The following PDS5A variants were observed in gnomAD, a reference collection of about 807,000 sequenced individuals.
The protein encoded by PDS5A is PDS5 cohesin associated factor A, also known as sister chromatid cohesion protein PDS5 homolog A.
Under a neutral mutation model 167.1 loss-of-function variants are expected in PDS5A, and 42 were observed. The observed-to-expected ratio is 0.25, with a 90% CI of 0.20 to 0.33. PDS5A has a LOEUF of 0.33. Among genes scored for constraint, PDS5A ranks in the 10% least tolerant of loss-of-function variants. The probability of loss-of-function intolerance (pLI) is 1.00; values close to 1 mark genes in which losing one functional copy is unlikely to be tolerated. For synonymous variants in PDS5A, 553 were observed against 554.6 expected (o/e 1.00, Z 0.04); for missense variants, 1,033 against 1,605.9 (o/e 0.64, Z 6.10).
At chr4:39,856,302 T>C (rs940401900) in intron 26 of PDS5A, among the ~76,000 whole-genome samples, 2 of 152,114 alleles carry the variant, frequency 1.3e-5, no homozygotes, top group African/African-American at 4.8e-5. Context: ...ATCAAAACAT[T>C]TTCCAAATAA....
At chr4:39,931,070 G>A (rs1043780739) in intron 2 of PDS5A, among the ~76,000 whole-genome samples, 9 of 152,154 alleles carry the variant, frequency 5.9e-5, no homozygotes, top group Admixed American at 5.9e-4. Context: ...CACTTTGGGA[G>A]GCCAAGTCAG....
chr4:39,945,330 A>G (rs1727646332), intron 2 of PDS5A, among the ~76,000 whole-genome samples: 1 of 151,756 alleles, frequency 6.6e-6, no homozygotes, highest in Non-Finnish European at 1.5e-5. Context: ...GCGTGGTGGC[A>G]GGCGCCTATA....
At chr4:39,837,787 C>T in intron 32 of PDS5A, 69 bp downstream of exon 32, 2 of 1,154,238 alleles carry the variant, frequency 1.7e-6, no homozygotes, top group Non-Finnish European at 2.4e-6. Context: ...GGGTGACTGG[C>T]ACTAAGAATA....
intron 2 of PDS5A, among the ~76,000 whole-genome samples, chr4:39,931,576 C>T (rs1578768300): frequency 6.6e-6 from 1 of 152,124 alleles, no homozygotes; most frequent in African/African-American, 2.4e-5. Flanking sequence ...GCTTCAGTTC[C>T]ACACTACATG....
chr4:39,854,617 G>A (rs1718385304), intron 26 of PDS5A, among the ~76,000 whole-genome samples: 1 of 151,998 alleles, frequency 6.6e-6, no homozygotes, highest in African/African-American at 2.4e-5. Flanking sequence ...TGAGTTATGT[G>A]CCTATTCTAG....
chr4:39,943,336 TG>T (rs1337405162), intron 2 of PDS5A, among the ~76,000 whole-genome samples: 2 of 152,236 alleles, frequency 1.3e-5, no homozygotes, highest in Admixed American at 1.3e-4. Flanking sequence ...ATAGACTACT[TG>T]ATATATAATT....
intron 23 of PDS5A, among the ~76,000 whole-genome samples, chr4:39,866,238 C>T (rs183099600): frequency 4.3e-3 from 655 of 152,316 alleles, no homozygotes; most frequent in Non-Finnish European, 7.2e-3. Context: ...CCTCAGCCTC[C>T]TGAGTAGCTG....
In PDS5A at chr4:39,934,435, G is replaced by C. The variant is rs1163520561; in HGVS notation, c.139-6271C>G. Among the ~76,000 whole-genome samples, 3 of 152,026 alleles carry C rather than the reference G, an allele frequency of 2.0e-5. No homozygotes were observed. In the South Asian group the frequency reaches 6.2e-4, roughly 32 times the overall value. On this transcript the variant is annotated intron_variant, in intron 2 of 32. Transcript: ENST00000303538. ...ATGTCAGAATCCCCTGTGCCATTCA[G>C]GCCTTTTTAAATGCTATTGGCTCTT...
chr4:39,849,400 T>C, intron 27 of PDS5A, 120 bp downstream of exon 27: 1 of 685,154 alleles, frequency 1.5e-6, no homozygotes, highest in South Asian at 2.1e-5. Context: ...CACATTTACT[T>C]TTGTAAACAT....
chr4:39,974,372 G>A (rs1730870054), intron 2 of PDS5A: 1 of 416,684 alleles, frequency 2.4e-6, no homozygotes, highest in Admixed American at 3.1e-5. Context: ...TCCAACATTA[G>A]AATTCAAGGT....
chr4:39,868,559 C>T, intron 22 of PDS5A: 1 of 430,752 alleles, frequency 2.3e-6, no homozygotes, highest in Non-Finnish European at 4.6e-6. Context: ...GAACTCCTGA[C>T]CCCAAGTGAT....
chr4:39,863,759 T>C (rs567112932), intron 23 of PDS5A, among the ~76,000 whole-genome samples: 2 of 152,278 alleles, frequency 1.3e-5, no homozygotes, highest in South Asian at 2.1e-4. Flanking sequence ...ACCATAGTAA[T>C]TGCAAGGCTA....
At chr4:39,829,586 G>A (rs979793023) in intron 32 of PDS5A, among the ~76,000 whole-genome samples, 8 of 151,386 alleles carry the variant, frequency 5.3e-5, no homozygotes, top group Admixed American at 2.0e-4. Flanking sequence ...GGTGGAGGTC[G>A]CAGTGAGCCA....
At chr4:39,906,566 A>G (rs1268612267) in intron 11 of PDS5A, among the ~76,000 whole-genome samples, 1 of 151,878 alleles carries the variant, frequency 6.6e-6, no homozygotes, top group Non-Finnish European at 1.5e-5. Flanking sequence ...GAGGATCATC[A>G]TAAGATGTAA....
At chr4:39,898,284 A>C in intron 16 of PDS5A, 105 bp downstream of exon 16, 1 of 1,373,506 alleles carries the variant, frequency 7.3e-7, no homozygotes, top group Non-Finnish European at 9.5e-7. Flanking sequence ...AGAGCTCACA[A>C]TATTGTTACA....
chr4:39,948,740 T>A (rs1303179731), intron 2 of PDS5A, among the ~76,000 whole-genome samples: 1 of 151,338 alleles, frequency 6.6e-6, no homozygotes, highest in African/African-American at 2.4e-5. Flanking sequence ...TTTTCCTGCC[T>A]CAGCCTCCTG....
chr4:39,932,009 A>G (rs1182768801), intron 2 of PDS5A, among the ~76,000 whole-genome samples: 1 of 151,630 alleles, frequency 6.6e-6, no homozygotes, highest in Non-Finnish European at 1.5e-5. Flanking sequence ...CTTCTGCCTC[A>G]GCCTCCCAAG....
rs1323869322 is a variant in PDS5A, at chr4:39,877,091, C to T, written c.2055G>A (p.Gln685=). The change falls in exon 19 of 33, where the codon CAG becomes CAA. Residue 685 remains glutamine (Q), a synonymous_variant. Coordinates refer to ENST00000303538, the MANE Select transcript of PDS5A (RefSeq NM_001100399.2). ...CCTTGTCATCCTCCATTCTTAGGCA[C>T]TGTAACAAGGACTCATATGTCTCTG... ...HSAETYESLL[Q]CLRMEDDKVA... 4 of 1,608,118 alleles carry T rather than the reference C, an allele frequency of 2.5e-6. No homozygotes were observed. Among genetic ancestry groups the T allele is most frequent in the Non-Finnish European group, 2.6e-6 (3 of 1,174,944 alleles).
In PDS5A at chr4:39,910,268, G is replaced by C; in HGVS notation, c.1063C>G (p.Pro355Ala). The C allele has an allele frequency of 6.3e-7, 1 of 1,580,860 alleles. No homozygotes were observed. The highest frequency in any genetic ancestry group is 8.7e-7 in the Non-Finnish European group (1 of 1,154,490). Residue 355 changes from proline (P) to alanine (A), a missense_variant, in exon 10 of 33, where the codon CCA becomes GCA. Physicochemically the swap from Pro to Ala is conservative, Grantham distance 27 (BLOSUM62 -1). Coordinates refer to ENST00000303538, the MANE Select transcript of PDS5A (RefSeq NM_001100399.2). ...KFASHCLMNH[P>A]DLAKDLTEYL... ...CCTGTGAGATCCTTCGCTAAATCTG[G>C]GTGATTCATTAAACAATGACTGGCA...
Sources: allele counts gnomAD v4.1 joint callset (sites outside exome capture counted in the v4.1 genomes callset), GRCh38; gene constraint gnomAD v4.1.1; transcripts MANE v1.5; gene names NCBI Gene and HGNC (gene_info 2026-07-23, HGNC 2026-07-21).